Variants in CNTNAP2 observed in about 807,000 individuals in gnomAD.
CNTNAP2 encodes contactin associated protein 2.
CNTNAP2 carries 98 observed loss-of-function variants against 155.2 expected under a neutral mutation model. The observed-to-expected ratio is 0.63, with a 90% CI of 0.54 to 0.75. The LOEUF is 0.75. Ranked by LOEUF, CNTNAP2 falls within the 30% of genes least tolerant of loss-of-function variation. The probability of loss-of-function intolerance (pLI) is 0.00; values close to 1 mark genes in which losing one functional copy is unlikely to be tolerated. For synonymous variants in CNTNAP2, 651 were observed against 631.2 expected (o/e 1.03, Z -0.47); for missense variants, 1,727 against 1,688.1 (o/e 1.02, Z -0.40).
At chr7:146,899,237 T>C (rs967296076) in intron 3 of CNTNAP2, among the ~76,000 whole-genome samples, 1 of 152,180 alleles carries the variant, frequency 6.6e-6, no homozygotes, top group African/African-American at 2.4e-5. Flanking sequence ...CTCATGTTGC[T>C]GACTTCCCAA....
chr7:147,274,838 A>T (rs1207872805), intron 8 of CNTNAP2, among the ~76,000 whole-genome samples: 2 of 151,710 alleles, frequency 1.3e-5, no homozygotes, highest in Non-Finnish European at 2.9e-5. Flanking sequence ...CTATCTTGTG[A>T]TAATTTTTGT....
chr7:148,327,998 G>A (rs1224979686), intron 21 of CNTNAP2, among the ~76,000 whole-genome samples: 1 of 152,216 alleles, frequency 6.6e-6, no homozygotes, highest in Non-Finnish European at 1.5e-5. Context: ...GCCTTGGAAA[G>A]TTGTGAAGGA....
chr7:147,186,943 G>A (rs1402786529), intron 8 of CNTNAP2, among the ~76,000 whole-genome samples: 5 of 96,470 alleles, frequency 5.2e-5, no homozygotes, highest in Admixed American at 5.1e-4. Context: ...TTAAACTGAA[G>A]GTTGCTGAGC....
chr7:147,282,952 AC>A (rs1805077613), intron 8 of CNTNAP2, among the ~76,000 whole-genome samples: 2 of 151,686 alleles, frequency 1.3e-5, no homozygotes, highest in Non-Finnish European at 2.9e-5. Context: ...CAACTTGAAA[AC>A]CCTTAAAAGT....
At chr7:146,536,731 T>C (rs1417106909) in intron 1 of CNTNAP2, among the ~76,000 whole-genome samples, 1 of 152,082 alleles carries the variant, frequency 6.6e-6, no homozygotes, top group East Asian at 1.9e-4. Flanking sequence ...AAGACATCTC[T>C]AGTCACGTTG....
At chr7:147,568,116 C>A (rs534157892) in intron 12 of CNTNAP2, among the ~76,000 whole-genome samples, 57 of 151,892 alleles carry the variant, frequency 3.8e-4, no homozygotes, top group Middle Eastern at 3.4e-3. Flanking sequence ...ATAAAAAAAT[C>A]TTTGTCTCGG....
At chr7:146,460,830 A>AGT in intron 1 of CNTNAP2, among the ~76,000 whole-genome samples, 1 of 152,184 alleles carries the variant, frequency 6.6e-6, no homozygotes, top group Non-Finnish European at 1.5e-5. Context: ...TAGGGCAGGG[A>AGT]ATGGGGAGAT....
intron 12 of CNTNAP2, among the ~76,000 whole-genome samples, chr7:147,624,905 C>A (rs1299032241): frequency 6.6e-6 from 1 of 152,134 alleles, no homozygotes; most frequent in Admixed American, 6.5e-5. Flanking sequence ...TACATATACA[C>A]AATGGAGTAC....
intron 1 of CNTNAP2, among the ~76,000 whole-genome samples, chr7:146,150,323 C>A (rs1322423156): frequency 6.6e-6 from 1 of 152,012 alleles, no homozygotes; most frequent in Non-Finnish European, 1.5e-5. Flanking sequence ...AATCATGTAA[C>A]TTTGAGAATC....
rs565607794 is a variant in CNTNAP2, at chr7:146,210,109, G to GTA, written c.97+93137_97+93138dup. On this transcript the variant is annotated intron_variant, in intron 1 of 23. Coordinates refer to ENST00000361727, the MANE Select transcript of CNTNAP2 (RefSeq NM_014141.6). ...TTCATGTTTTTAATAGACATTTTGAGTAACTCTGGACAAAAAGGCATTGCT... is the reference window on the plus strand; with the variant it reads ...TTCATGTTTTTAATAGACATTTTGAGTATAACTCTGGACAAAAAGGCATTGCT... Among the ~76,000 whole-genome samples the GTA allele has an allele frequency of 5.3e-5, 8 of 152,172 alleles. No homozygotes were observed. In the South Asian group the frequency reaches 1.4e-3, roughly 28 times the overall value.
chr7:147,167,565 G>T lies in CNTNAP2; in HGVS notation c.1348+35056G>T, dbSNP rs1478176328. On this transcript the variant is annotated intron_variant, in intron 8 of 23. Coordinates refer to ENST00000361727, the MANE Select transcript of CNTNAP2 (RefSeq NM_014141.6). The stretch of plus-strand genomic sequence containing the variant: ...TCAGACAACTGCTCTCCCAGATGAC[G>T]ATGATGACCTGTGAGAATGAAGCTG... The T allele has an allele frequency of 3.8e-6, 3 of 793,038 alleles. No individual in the cohort carries two copies. The African/African-American group carries it at 5.2e-5, about 14-fold the overall frequency. 49.1% of individuals were successfully genotyped at this position (793,038 alleles called of 1,614,324 possible).
At chr7:147,720,525 T>G (rs544287791) in intron 13 of CNTNAP2, among the ~76,000 whole-genome samples, 2 of 152,258 alleles carry the variant, frequency 1.3e-5, no homozygotes, top group East Asian at 3.9e-4. Flanking sequence ...TTAGGCTTTG[T>G]GTCCCCACAC....
chr7:147,612,791 A>G (rs1253749044), intron 12 of CNTNAP2, among the ~76,000 whole-genome samples: 1 of 152,210 alleles, frequency 6.6e-6, no homozygotes, highest in African/African-American at 2.4e-5. Context: ...CAAAAGTGAC[A>G]TCATGCATTA....
At chr7:147,411,281 G>A (rs1466793238) in intron 10 of CNTNAP2, among the ~76,000 whole-genome samples, 21 of 152,078 alleles carry the variant, frequency 1.4e-4, no homozygotes, top group Admixed American at 1.4e-3. Flanking sequence ...AAATTAAGAT[G>A]GTATTTTAAT....
At chr7:147,501,331 G>A (rs1235409423) in intron 11 of CNTNAP2, among the ~76,000 whole-genome samples, 2 of 152,030 alleles carry the variant, frequency 1.3e-5, no homozygotes, top group East Asian at 1.9e-4. Flanking sequence ...AAAAGACAAG[G>A]ATCCCCACTC....
At chr7:147,338,740 A>G (rs905628776) in intron 9 of CNTNAP2, among the ~76,000 whole-genome samples, 2 of 152,148 alleles carry the variant, frequency 1.3e-5, no homozygotes, top group African/African-American at 4.8e-5. Flanking sequence ...AAACTCCATA[A>G]AATTTTATTT....
chr7:146,835,483 ATTG>A (rs1176018950), intron 2 of CNTNAP2, among the ~76,000 whole-genome samples: 1 of 152,288 alleles, frequency 6.6e-6, no homozygotes, highest in South Asian at 2.1e-4. Flanking sequence ...AACTGAGTAT[ATTG>A]TTGTCCCCAA....
intron 1 of CNTNAP2, among the ~76,000 whole-genome samples, chr7:146,514,741 G>T (rs1032949375): frequency 6.6e-6 from 1 of 151,794 alleles, no homozygotes; most frequent in Non-Finnish European, 1.5e-5. Flanking sequence ...TACATTTGAG[G>T]TGGCCACGGT....
chr7:147,428,070 T>A (rs1199152641), intron 10 of CNTNAP2, among the ~76,000 whole-genome samples: 1 of 152,136 alleles, frequency 6.6e-6, no homozygotes, highest in Admixed American at 6.5e-5. Flanking sequence ...AAAGTAAATG[T>A]AGATTTAGTT....
Sources: gnomAD v4.1 joint callset for allele counts (sites outside exome capture counted in the v4.1 genomes callset) on GRCh38, gnomAD v4.1.1 for gene constraint, MANE v1.5 for transcripts, NCBI Gene and HGNC (gene_info 2026-07-23, HGNC 2026-07-21) for gene names.